The following PKHD1 variants were observed in gnomAD, a reference collection of about 807,000 sequenced individuals.
The protein encoded by PKHD1 is fibrocystin.
PKHD1 carries 291 observed loss-of-function variants against 412.0 expected under a neutral mutation model. That is an observed-to-expected ratio of 0.71 (90% CI 0.64 to 0.78). The LOEUF (loss-of-function observed/expected upper bound fraction) is 0.78. Among genes scored for constraint, PKHD1 ranks in the 30% least tolerant of loss-of-function variants. The probability of loss-of-function intolerance (pLI) is 0.00; values close to 1 mark genes in which losing one functional copy is unlikely to be tolerated. For synonymous variants in PKHD1, 1,777 were observed against 1,821.5 expected (o/e 0.98, Z 0.62); for missense variants, 4,825 against 4,950.7 (o/e 0.97, Z 0.76).
At chr6:51,895,699 G>T (rs1039481468) in intron 43 of PKHD1, among the ~76,000 whole-genome samples, 1 of 152,156 alleles carries the variant, frequency 6.6e-6, no homozygotes, top group Non-Finnish European at 1.5e-5. Flanking sequence ...CCGGTCTACA[G>T]CTCCCAGTGT....
intron 60 of PKHD1, among the ~76,000 whole-genome samples, chr6:51,695,746 G>A (rs983761409): frequency 9.2e-5 from 14 of 152,196 alleles, no homozygotes; most frequent in Middle Eastern, 3.4e-3. Flanking sequence ...GAATATCTCT[G>A]AAAAATATAT....
intron 21 of PKHD1, among the ~76,000 whole-genome samples, chr6:52,052,196 C>G (rs1806961832): frequency 6.6e-6 from 1 of 152,116 alleles, no homozygotes; most frequent in South Asian, 2.1e-4. Flanking sequence ...GCTAGCTGAG[C>G]CCCAAAGCCA....
intron 41 of PKHD1, 80 bp from the exon 42 acceptor site, chr6:51,904,122 G>T: frequency 2.2e-6 from 2 of 925,438 alleles, no homozygotes; most frequent in Non-Finnish European, 3.6e-6. Flanking sequence ...CTACTTCTTT[G>T]GGTGTGGGTT....
At chr6:51,838,192 C>T (rs925844088) in intron 50 of PKHD1, among the ~76,000 whole-genome samples, 1 of 152,194 alleles carries the variant, frequency 6.6e-6, no homozygotes, top group African/African-American at 2.4e-5. Flanking sequence ...ATTTATTAAG[C>T]ACCAACTGAT....
Position 52,079,963 on chromosome 6 carries a change from T to C in PKHD1, c.327A>G (p.Ala109=). 1.2e-6 allele frequency: 2 copies of C among 1,612,480 alleles called. No individual in the cohort carries two copies. Among genetic ancestry groups the C allele is most frequent in the Non-Finnish European group, 1.7e-6 (2 of 1,178,498 alleles). ...EAHEGLYFLE[A]YFGGQLVSSP... The stretch of plus-strand genomic sequence containing the variant: ...TGCTTACCAGCTGTCCCCCGAAGTA[T>C]GCTTCCAGGAAGTACAGACCCTCAT... Residue 109 remains alanine (A), a synonymous_variant, in exon 5 of 67, where the codon GCA becomes GCG. Transcript: ENST00000371117.
intron 2 of PKHD1, 140 bp downstream of exon 2, chr6:52,084,742 A>G: frequency 2.7e-6 from 2 of 731,462 alleles, no homozygotes; most frequent in Non-Finnish European, 5.1e-6. Context: ...AGTATTTTTA[A>G]CTCAATTTTT....
At chr6:51,983,189 G>A (rs1185317458) in intron 35 of PKHD1, among the ~76,000 whole-genome samples, 1 of 152,220 alleles carries the variant, frequency 6.6e-6, no homozygotes, top group Non-Finnish European at 1.5e-5. Flanking sequence ...AGTAAATTGA[G>A]ACTAGGTTAA....
chr6:51,762,016 T>G (rs1788100052), intron 55 of PKHD1, among the ~76,000 whole-genome samples: 1 of 152,070 alleles, frequency 6.6e-6, no homozygotes, highest in East Asian at 1.9e-4. Flanking sequence ...ATGTCACTTC[T>G]GTCTTCAACA....
chr6:51,937,350 C>T (rs1787676381), intron 36 of PKHD1, among the ~76,000 whole-genome samples: 2 of 152,310 alleles, frequency 1.3e-5, no homozygotes, highest in Non-Finnish European at 2.9e-5. Context: ...ATCTTGGGCA[C>T]ATGTACTTAC....
intron 60 of PKHD1, among the ~76,000 whole-genome samples, chr6:51,733,301 G>A (rs1242270626): frequency 6.6e-6 from 1 of 152,120 alleles, no homozygotes; most frequent in African/African-American, 2.4e-5. Flanking sequence ...AGTACTTTGG[G>A]AGAACGAGAT....
chr6:51,962,344 C>A lies in PKHD1; in HGVS notation c.5752-2318G>T, dbSNP rs145243494. On this transcript the variant is annotated intron_variant, in intron 35 of 66. Transcript: ENST00000371117. ...TAAGTGGGTCAAAGGTAGACTATTT[C>A]ATGGTGTTATCCATTAATTAATTTG... Among the ~76,000 whole-genome samples, 557 of 152,234 alleles carry A rather than the reference C, an allele frequency of 3.7e-3. 6 individuals carry two copies. The highest frequency in any genetic ancestry group is 0.013 in the African/African-American group (531 of 41,558).
chr6:51,835,363 A>G (rs1334568342), intron 51 of PKHD1, among the ~76,000 whole-genome samples: 1 of 152,236 alleles, frequency 6.6e-6, no homozygotes, highest in Non-Finnish European at 1.5e-5. Flanking sequence ...GAGAATTTGA[A>G]CATAGAAACT....
Position 52,009,954 on chromosome 6 carries a change from C to A in PKHD1, c.5751+355G>T, listed in dbSNP as rs145147218. Among the ~76,000 whole-genome samples the A allele has an allele frequency of 4.9e-3, 747 of 152,002 alleles. 7 individuals carry two copies. Among genetic ancestry groups the A allele is most frequent in the African/African-American group, 0.017 (691 of 41,462 alleles). Reference sequence around the variant, plus strand: ...TGAGGACGGCTGAGTGATTTGGAAGCCTTCCAGTAGGATCTGGTTAAATCG... The same window carrying A: ...TGAGGACGGCTGAGTGATTTGGAAGACTTCCAGTAGGATCTGGTTAAATCG... On this transcript the variant is annotated intron_variant, in intron 35 of 66. Coordinates refer to ENST00000371117, the MANE Select transcript of PKHD1 (RefSeq NM_138694.4).
chr6:51,644,290 T>C (rs1562011569), intron 63 of PKHD1, among the ~76,000 whole-genome samples: 2 of 139,610 alleles, frequency 1.4e-5, no homozygotes, highest in South Asian at 4.3e-4. Context: ...ACAACAATTT[T>C]ATATGTTTCT....
rs1803348543 is a variant in PKHD1, at chr6:52,033,228, A to G, written c.3229-63T>C. 3.2e-6 allele frequency: 4 copies of G among 1,253,506 alleles called. No individual in the cohort carries two copies. In the South Asian group the frequency reaches 4.8e-5, roughly 15 times the overall value. The allele number at this position is 1,253,506 out of a possible 1,614,324, so 77.6% of individuals were successfully genotyped here. A position where few individuals can be genotyped will look rare whatever the true frequency, so the allele number is the denominator to read the frequency against. ...TTTTAAAGTAGGACTGACTTAAGGG[A>G]AGAGAACTCCATATAGAATTAGTTT... On this transcript the variant is annotated intron_variant, in intron 28 of 66. Transcript: ENST00000371117.
In PKHD1 at chr6:52,072,103, T is replaced by G; in HGVS notation, c.602+12A>C. 6.5e-7 allele frequency: 1 copy of G among 1,536,588 alleles called. No homozygotes were observed. Among genetic ancestry groups the G allele is most frequent in the Non-Finnish European group, 9.0e-7 (1 of 1,109,396 alleles). On this transcript the variant is annotated intron_variant, in intron 8 of 66. Coordinates refer to ENST00000371117, the MANE Select transcript of PKHD1 (RefSeq NM_138694.4). ...ACAAGCATGTGCATTGGCAAGATAA[T>G]AAGACACTCACCAGCTTCCCATCTG... is the stretch of plus-strand genomic sequence containing the variant.
rs2127556575 is a variant in PKHD1 at position 51,887,159 on chromosome 6, A to G, written c.7083T>C (p.Thr2361=). ...TGGTACAAGAATGTGCAATGTTCTG[A>G]GTGAAGGAAAGAAGCGGAGCTTGTG... The part of the protein sequence containing the change: ...QTSQAPLLSF[T]QNIAHSCTRY... The change falls in exon 44 of 67, where the codon ACT becomes ACC. Residue 2361 remains threonine, a synonymous_variant. Coordinates refer to ENST00000371117, the MANE Select transcript of PKHD1 (RefSeq NM_138694.4). 6.2e-7 allele frequency: 1 copy of G among 1,611,846 alleles called. No homozygotes were observed. Among genetic ancestry groups the G allele is most frequent in the Non-Finnish European group, 8.5e-7 (1 of 1,177,874 alleles).
chr6:51,650,079 T>A (rs147038961), intron 61 of PKHD1, among the ~76,000 whole-genome samples: 1 of 152,160 alleles, frequency 6.6e-6, no homozygotes, highest in Non-Finnish European at 1.5e-5. Context: ...ATAGTAAGTG[T>A]TGACCAAGAT....
At chr6:52,005,252 A>G (rs1215933164) in intron 35 of PKHD1, among the ~76,000 whole-genome samples, 1 of 152,148 alleles carries the variant, frequency 6.6e-6, no homozygotes, top group African/African-American at 2.4e-5. Flanking sequence ...TTTACCAATC[A>G]GTTCATCCAT....
Sources: allele counts gnomAD v4.1 joint callset (sites outside exome capture counted in the v4.1 genomes callset), GRCh38; gene constraint gnomAD v4.1.1; transcripts MANE v1.5; gene names NCBI Gene and HGNC (gene_info 2026-07-23, HGNC 2026-07-21).